Variants in PMFBP1 observed in about 807,000 individuals in gnomAD.
PMFBP1 encodes polyamine modulated factor 1 binding protein 1.
In PMFBP1, 131 loss-of-function variants were observed where a neutral mutation model predicts 137.8. That is an observed-to-expected ratio of 0.95 (90% CI 0.82 to 1.10). The LOEUF is 1.10. Among genes scored for constraint, PMFBP1 ranks in the 50% least tolerant of loss-of-function variants. The probability of loss-of-function intolerance (pLI) is 0.00; values close to 1 mark genes in which losing one functional copy is unlikely to be tolerated. For missense variants in PMFBP1, 1,199 were observed against 1,175.4 expected (o/e 1.02, Z -0.29); for synonymous variants, 490 against 450.4 (o/e 1.09, Z -1.11).
the PMFBP1 span, among the ~76,000 whole-genome samples, chr16:72,201,482 T>A: frequency 2.6e-5 from 4 of 152,222 alleles, no homozygotes; most frequent in African/African-American, 4.8e-5. Flanking sequence ...CTCCTCTGAA[T>A]ATCATAGTTA....
the PMFBP1 span, among the ~76,000 whole-genome samples, chr16:72,223,730 G>C: frequency 6.6e-6 from 1 of 152,170 alleles, no homozygotes; most frequent in African/African-American, 2.4e-5. Context: ...GACAAAGGAG[G>C]GCTGCTGCAT....
rs929508741 is a variant in PMFBP1 at position 72,139,224 on chromosome 16, A to G, written c.918+65T>C. ...CATATAAAAATAAAAAATAAGTAGGAAAGCCCAGAATCAAACCCAGCTCAG... is the reference window on the plus strand; with the variant it reads ...CATATAAAAATAAAAAATAAGTAGGGAAGCCCAGAATCAAACCCAGCTCAG... On this transcript the variant is annotated intron_variant, in intron 7 of 20. Coordinates refer to ENST00000237353, the MANE Select transcript of PMFBP1 (RefSeq NM_031293.3). 4 of 1,121,496 alleles carry G rather than the reference A, an allele frequency of 3.6e-6. No individual in the cohort carries two copies. In the East Asian group the frequency reaches 9.6e-5, roughly 27 times the overall value. 69.5% of individuals were successfully genotyped at this position (1,121,496 alleles called of 1,614,324 possible). A position where few individuals can be genotyped will look rare whatever the true frequency, so the allele number is the denominator to read the frequency against.
At chr16:72,219,784 T>C in the PMFBP1 span, among the ~76,000 whole-genome samples, 1 of 152,092 alleles carries the variant, frequency 6.6e-6, no homozygotes, top group Non-Finnish European at 1.5e-5. Context: ...AGCAGGGAAG[T>C]CAAAGGAGAG....
At chr16:72,149,084 G>A (rs550657158) in intron 5 of PMFBP1, among the ~76,000 whole-genome samples, 14 of 152,268 alleles carry the variant, frequency 9.2e-5, no homozygotes, top group Middle Eastern at 3.4e-3. Context: ...CCTTTCACTG[G>A]TGTTAATACC....
Position 72,125,962 on chromosome 16 carries a change from C to T in PMFBP1, c.2253+6G>A, listed in dbSNP as rs1442985747. ...CAGCCCTGGAGACTAGAGGGTGTGG[C>T]CTCACCTTCTCGAGGGCTTGTGTCA... On this transcript the variant is annotated splice_donor_region_variant and intron_variant, in intron 15 of 20. Coordinates refer to ENST00000237353, the MANE Select transcript of PMFBP1 (RefSeq NM_031293.3). The T allele has an allele frequency of 3.7e-6, 6 of 1,613,582 alleles. No individual in the cohort carries two copies. Among genetic ancestry groups the T allele is most frequent in the Non-Finnish European group, 5.1e-6 (6 of 1,179,788 alleles).
chr16:72,134,428 C>T (rs918535233), intron 9 of PMFBP1, among the ~76,000 whole-genome samples: 4 of 152,210 alleles, frequency 2.6e-5, no homozygotes, highest in African/African-American at 9.6e-5. Flanking sequence ...AAGTGATCCT[C>T]CTACCTTGGC....
chr16:72,143,071 C>T (rs778891492), intron 5 of PMFBP1, among the ~76,000 whole-genome samples: 48 of 152,274 alleles, frequency 3.2e-4, no homozygotes, highest in Non-Finnish European at 4.9e-4. Flanking sequence ...TTCGTGTAAT[C>T]TGCTTCATTG....
the PMFBP1 span, among the ~76,000 whole-genome samples, chr16:72,231,680 G>T: frequency 2.0e-5 from 3 of 152,000 alleles, no homozygotes; most frequent in African/African-American, 7.2e-5. Flanking sequence ...AAATATCAAA[G>T]AAATATAAAA....
the PMFBP1 span, among the ~76,000 whole-genome samples, chr16:72,199,419 C>T: frequency 3.9e-5 from 6 of 152,052 alleles, no homozygotes; most frequent in South Asian, 6.2e-4. Flanking sequence ...TTTGGGAGGC[C>T]GAGGTGGGCG....
At chr16:72,208,215 T>C in the PMFBP1 span, among the ~76,000 whole-genome samples, 2 of 152,196 alleles carry the variant, frequency 1.3e-5, no homozygotes, top group Admixed American at 1.3e-4. Context: ...ATCGAGCTGA[T>C]ACATAAAATT....
At chr16:72,215,824 A>G in the PMFBP1 span, among the ~76,000 whole-genome samples, 2 of 152,216 alleles carry the variant, frequency 1.3e-5, no homozygotes, top group Non-Finnish European at 2.9e-5. Flanking sequence ...GAAAATCCTA[A>G]TAGGGAAGAT....
At chr16:72,143,560 T>C (rs1007167697) in intron 5 of PMFBP1, among the ~76,000 whole-genome samples, 1 of 151,718 alleles carries the variant, frequency 6.6e-6, no homozygotes, top group African/African-American at 2.4e-5. Context: ...CTGGCCAACA[T>C]GGTGAAACCC....
At position 72,171,293 on chromosome 16, in the gene PMFBP1, T is replaced by C. The variant is rs746544448; in HGVS notation, c.-60-25A>G. The C allele has an allele frequency of 8.0e-5, 116 of 1,455,366 alleles. 2 individuals carry two copies. The highest frequency in any genetic ancestry group is 6.3e-4 in the Middle Eastern group (3 of 4,740). 90.2% of individuals were successfully genotyped at this position (1,455,366 alleles called of 1,614,324 possible). A position where few individuals can be genotyped will look rare whatever the true frequency, so the allele number is the denominator to read the frequency against. On this transcript the variant is annotated intron_variant, in intron 1 of 20. Transcript: ENST00000237353. ...CCTGAAAAAGTCCAAGTATTTAAGA[T>C]GGAAAAAGTATAAATGAGCCTCTGC...
chr16:72,164,312 G>T, intron 3 of PMFBP1: 1 of 933,422 alleles, frequency 1.1e-6, no homozygotes, highest in Non-Finnish European at 1.5e-6. Flanking sequence ...AAAGCTTGCA[G>T]GCAGTGAGAC....
chr16:72,166,770 C>T (rs2043151026), intron 2 of PMFBP1, among the ~76,000 whole-genome samples: 2 of 152,200 alleles, frequency 1.3e-5, no homozygotes, highest in South Asian at 4.1e-4. Context: ...ATCAGTCAGT[C>T]AATGGCCAAT....
upstream of PMFBP1, among the ~76,000 whole-genome samples, chr16:72,177,194 C>T (rs539549623): frequency 1.8e-4 from 27 of 152,310 alleles, no homozygotes; most frequent in South Asian, 4.1e-3. Flanking sequence ...TCTTTCTTTA[C>T]GAGATATATT....
the PMFBP1 span, among the ~76,000 whole-genome samples, chr16:72,216,706 A>G: frequency 6.6e-6 from 1 of 152,248 alleles, no homozygotes; most frequent in Non-Finnish European, 1.5e-5. Flanking sequence ...AAGGGTTGAA[A>G]AAACTTACTG....
the PMFBP1 span, among the ~76,000 whole-genome samples, chr16:72,187,306 T>C: frequency 1.8e-3 from 270 of 152,218 alleles, 8 homozygotes; most frequent in Admixed American, 0.016. Context: ...TTGGTTACAG[T>C]GGGCTCCAAG....
chr16:72,237,829 A>C, the PMFBP1 span, among the ~76,000 whole-genome samples: 1 of 151,850 alleles, frequency 6.6e-6, no homozygotes, highest in African/African-American at 2.4e-5. Flanking sequence ...CCCAGTGTTT[A>C]TTGTTCCCCT....
Sources: gnomAD v4.1 joint callset for allele counts (sites outside exome capture counted in the v4.1 genomes callset) on GRCh38, gnomAD v4.1.1 for gene constraint, MANE v1.5 for transcripts, NCBI Gene and HGNC (gene_info 2026-07-23, HGNC 2026-07-21) for gene names.